KIF13A: variants seen among roughly 807,000 people sequenced by gnomAD.
KIF13A encodes the protein kinesin family member 13A, also known as kinesin-like protein KIF13A.
A neutral mutation model predicts 212.2 loss-of-function variants in KIF13A; 79 were observed. The observed-to-expected ratio is 0.37, with a 90% CI of 0.31 to 0.45. The LOEUF is 0.45. KIF13A is among the 20% of genes least tolerant of loss of function. KIF13A has a pLI of 1.00. For missense variants in KIF13A, 1,901 were observed against 2,209.0 expected, an observed-to-expected ratio of 0.86 and a Z score of 2.79; for synonymous variants, 789 against 808.6, an observed-to-expected ratio of 0.98 and a Z score of 0.41.
intron 12 of KIF13A, among the ~76,000 whole-genome samples, chr6:17,831,635 G>A (rs538594356): frequency 1.3e-5 from 2 of 150,584 alleles, no homozygotes; most frequent in African/African-American, 4.9e-5. Context: ...TGAAGCATAA[G>A]AATAATTTCA....
intron 16 of KIF13A, among the ~76,000 whole-genome samples, chr6:17,821,552 G>GGTGTGTGTGTGTGTGTGT (rs111387037): frequency 0.015 from 1,714 of 112,028 alleles, 115 homozygotes; most frequent in African/African-American, 0.028. Flanking sequence ...ATTGGGACAT[G>GGTGTGTGTGTGTGTGTGT]GTGTGTGTGT....
At position 17,950,572 on chromosome 6, in the gene KIF13A, C is replaced by G. The variant is rs950628886; in HGVS notation, c.146+36482G>C. On this transcript the variant is annotated intron_variant, in intron 2 of 38. Coordinates refer to ENST00000259711, the MANE Select transcript of KIF13A (RefSeq NM_022113.6). ...CCCCATTTGTTGGATGAATGCCCCACAGGATTTTAACAAAAGCATTATTTA... is the reference window on the plus strand; with the variant it reads ...CCCCATTTGTTGGATGAATGCCCCAGAGGATTTTAACAAAAGCATTATTTA... 7 of 985,036 alleles carry G rather than the reference C, an allele frequency of 7.1e-6. No individual in the cohort carries two copies. The African/African-American group carries it at 1.0e-4, about 15-fold the overall frequency. 61.0% of individuals were successfully genotyped at this position (985,036 alleles called of 1,614,324 possible).
intron 18 of KIF13A, among the ~76,000 whole-genome samples, chr6:17,807,815 T>C (rs963570015): frequency 5.3e-5 from 8 of 152,220 alleles, no homozygotes; most frequent in Non-Finnish European, 1.2e-4. Context: ...GGCCCAGCTG[T>C]AAAATTCCTC....
chr6:17,773,368 C>T lies in KIF13A; in HGVS notation c.4324+110G>A, dbSNP rs1272612590. ...TAACAGTTTTGTATCATCTAGTTAA[C>T]TAGAATATCAGCTTCATATCTTATT... is the stretch of plus-strand genomic sequence containing the variant. On this transcript the variant is annotated intron_variant, in intron 36 of 38. Transcript: ENST00000259711. The surrounding 1 kb of genome is among the most constrained non-coding windows in gnomAD (Gnocchi z 4.2). 3.5e-6 allele frequency: 2 copies of T among 575,870 alleles called. No individual in the cohort carries two copies. Among genetic ancestry groups the T allele is most frequent in the Non-Finnish European group, 6.2e-6 (2 of 324,194 alleles). The allele number at this position is 575,870 out of a possible 1,614,324, so 35.7% of individuals were successfully genotyped here.
intron 2 of KIF13A, among the ~76,000 whole-genome samples, chr6:17,927,946 C>A (rs756824681): frequency 3.9e-5 from 6 of 152,392 alleles, no homozygotes; most frequent in East Asian, 3.9e-4. Context: ...ACCCTGACCA[C>A]TCACAGTCAT....
At chr6:17,869,019 A>AAAAAAAAACAC (rs1554187445) in intron 4 of KIF13A, among the ~76,000 whole-genome samples, 2 of 126,600 alleles carry the variant, frequency 1.6e-5, no homozygotes, top group African/African-American at 5.7e-5. Context: ...AAAAAAAAAA[A>AAAAAAAAACAC]ACACAAATAA....
intron 3 of KIF13A, among the ~76,000 whole-genome samples, chr6:17,896,745 T>C (rs957674323): frequency 2.0e-5 from 3 of 152,282 alleles, no homozygotes; most frequent in South Asian, 2.1e-4. Flanking sequence ...AAAGCAATAG[T>C]GGTTTTTAAA....
intron 4 of KIF13A, among the ~76,000 whole-genome samples, chr6:17,862,745 G>A (rs1768930129): frequency 6.6e-6 from 1 of 152,158 alleles, no homozygotes; most frequent in Non-Finnish European, 1.5e-5. Context: ...TCAGGAGATT[G>A]AGACCAACCT....
chr6:17,925,061 T>G (rs374517364), intron 2 of KIF13A, among the ~76,000 whole-genome samples: 1 of 151,778 alleles, frequency 6.6e-6, no homozygotes, highest in South Asian at 2.1e-4. Flanking sequence ...CTAAACACGC[T>G]CCCCCAAAAG....
intron 2 of KIF13A, among the ~76,000 whole-genome samples, chr6:17,978,314 A>C (rs1337176447): frequency 6.6e-6 from 1 of 152,254 alleles, no homozygotes; most frequent in Non-Finnish European, 1.5e-5. Context: ...CAAATAAACT[A>C]ATTTCCAAGG....
At position 17,786,336 on chromosome 6, in the gene KIF13A, C is replaced by G. The variant is rs558868994; in HGVS notation, c.3362-695G>C. ...ACCATAGGCCGGGCACGGTGGCTCA[C>G]GGCTGTAACCCCAGCACTTTTGGAG... On this transcript the variant is annotated intron_variant, in intron 27 of 38. Coordinates refer to ENST00000259711, the MANE Select transcript of KIF13A (RefSeq NM_022113.6). The surrounding 1 kb of genome is among the most constrained non-coding windows in gnomAD (Gnocchi z 5.4). Among the ~76,000 whole-genome samples the G allele has an allele frequency of 1.9e-3, 287 of 152,278 alleles. 1 individual carries two copies. Among genetic ancestry groups the G allele is most frequent in the Middle Eastern group, 0.014 (4 of 294 alleles).
rs1285374963 is a variant in KIF13A, at chr6:17,897,681, A to C, written c.159+487T>G. 6.6e-6 allele frequency among the ~76,000 whole-genome samples: 1 copy of C among 152,226 alleles called. No homozygotes were observed. Among genetic ancestry groups the C allele is most frequent in the Non-Finnish European group, 1.5e-5 (1 of 68,042 alleles). Reference sequence around the variant, plus strand: ...TGAATCTCTATTTAAAAGTGTGAAGAACTTTTCCAATGATAACAACTAATC... The same window carrying C: ...TGAATCTCTATTTAAAAGTGTGAAGCACTTTTCCAATGATAACAACTAATC... On this transcript the variant is annotated intron_variant, in intron 3 of 38. Coordinates refer to ENST00000259711, the MANE Select transcript of KIF13A (RefSeq NM_022113.6). The surrounding 1 kb of genome is among the most constrained non-coding windows in gnomAD (Gnocchi z 4.8).
At chr6:17,894,544 G>T (rs923683040) in intron 3 of KIF13A, among the ~76,000 whole-genome samples, 1 of 151,518 alleles carries the variant, frequency 6.6e-6, no homozygotes, top group Non-Finnish European at 1.5e-5. Context: ...AAAAAACTTC[G>T]GCAGATAGTA....
At chr6:17,804,226 A>G in intron 20 of KIF13A, 135 bp downstream of exon 20, 1 of 678,338 alleles carries the variant, frequency 1.5e-6, no homozygotes, top group Non-Finnish European at 2.3e-6. Context: ...TAGAGAAAAA[A>G]GAATGCAGAC....
chr6:17,976,327 G>A (rs1780472060), intron 2 of KIF13A, among the ~76,000 whole-genome samples: 1 of 152,242 alleles, frequency 6.6e-6, no homozygotes, highest in South Asian at 2.1e-4. Context: ...CGCGAGCCCT[G>A]CCCCGCTGTA....
At chr6:17,870,066 G>A (rs146790326) in intron 4 of KIF13A, among the ~76,000 whole-genome samples, 2,169 of 152,184 alleles carry the variant, frequency 0.014, 45 homozygotes, top group Non-Finnish European at 0.016. Context: ...TAATCTACAC[G>A]TAACGTATTT....
At position 17,851,999 on chromosome 6, in the gene KIF13A, G is replaced by A. The variant is rs566406810; in HGVS notation, c.538C>T (p.Pro180Ser). The A allele has an allele frequency of 5.1e-6, 8 of 1,556,310 alleles. No individual in the cohort carries two copies. The highest frequency in any genetic ancestry group is 6.9e-6 in the Non-Finnish European group (8 of 1,154,774). ...AGTTGAGATAAACCATCTACATATG[G>A]TCCCAAAACTTTATGTTCTCGAACT... is the stretch of plus-strand genomic sequence containing the variant. ...LKVREHKVLGPYVDGLSQLAV... is the reference protein window; with the variant it reads ...LKVREHKVLGSYVDGLSQLAV... The change falls in exon 7 of 39, where the codon CCA becomes TCA. Residue 180 changes from proline to serine, a missense_variant. By Grantham distance (74) the Pro-to-Ser change is moderately conservative. Coordinates refer to ENST00000259711, the MANE Select transcript of KIF13A (RefSeq NM_022113.6).
chr6:17,930,604 G>A (rs186607112), intron 2 of KIF13A, among the ~76,000 whole-genome samples: 112 of 152,298 alleles, frequency 7.4e-4, no homozygotes, highest in Non-Finnish European at 1.2e-4. Context: ...AGGATGGAAG[G>A]TAGACTAGAA....
chr6:17,821,578 T>C (rs1475702062), intron 16 of KIF13A, among the ~76,000 whole-genome samples: 4 of 151,250 alleles, frequency 2.6e-5, no homozygotes, highest in Non-Finnish European at 4.4e-5. Context: ...TGTGTGTGTG[T>C]GTGTGTGTGT....
Sources: gnomAD v4.1 joint callset for allele counts (sites outside exome capture counted in the v4.1 genomes callset) on GRCh38, gnomAD v4.1.1 for gene constraint, Gnocchi (gnomAD v3.1) non-coding constraint, MANE v1.5 for transcripts, NCBI Gene and HGNC (gene_info 2026-07-23, HGNC 2026-07-21) for gene names.